Variants in ZDHHC11B observed in about 807,000 individuals in gnomAD.
The protein encoded by ZDHHC11B is probable palmitoyltransferase ZDHHC11B.
ZDHHC11B carries 17 observed loss-of-function variants against 42.3 expected under a neutral mutation model. The ratio of observed to expected loss-of-function variants is 0.40; its 90% CI spans 0.27 to 0.60. The LOEUF is 0.60. Among genes scored for constraint, ZDHHC11B ranks in the 20% least tolerant of loss-of-function variants. The pLI is 0.41. For missense variants in ZDHHC11B, 262 were observed against 463.2 expected, an observed-to-expected ratio of 0.57 and a Z score of 3.99; for synonymous variants, 123 against 193.5, an observed-to-expected ratio of 0.64 and a Z score of 3.02.
intron 4 of ZDHHC11B, among the ~76,000 whole-genome samples, chr5:765,940 TGAGAAA>T (rs1735262608): frequency 6.6e-6 from 1 of 151,958 alleles, no homozygotes; most frequent in Non-Finnish European, 1.5e-5. Flanking sequence ...AAGGCTCTAG[TGAGAAA>T]TAACACATCC....
chr5:741,041 G>A (rs1345354191), intron 10 of ZDHHC11B, among the ~76,000 whole-genome samples: 3 of 116,352 alleles, frequency 2.6e-5, no homozygotes, highest in African/African-American at 5.6e-5. Context: ...GAAAATGCGC[G>A]TGCCCTTTGA....
At chr5:783,776 G>GCCCCCAAATACCCATCAAAACAGCAGC (rs1737040340) in intron 1 of ZDHHC11B, among the ~76,000 whole-genome samples, 1 of 80,690 alleles carries the variant, frequency 1.2e-5, no homozygotes, top group Non-Finnish European at 2.4e-5. Context: ...CAAAACAGCA[G>GCCCCCAAATACCCATCAAAACAGCAGC]CCCCCAAACC....
intron 12 of ZDHHC11B, among the ~76,000 whole-genome samples, chr5:723,260 A>G (rs1742324178): frequency 6.9e-6 from 1 of 145,184 alleles, no homozygotes; most frequent in Non-Finnish European, 1.5e-5. Flanking sequence ...GATCCAAAAC[A>G]AGGGGAAAGA....
At chr5:730,805 T>C (rs1171409639) in intron 11 of ZDHHC11B, among the ~76,000 whole-genome samples, 1 of 151,700 alleles carries the variant, frequency 6.6e-6, no homozygotes, top group Admixed American at 6.6e-5. Flanking sequence ...GTGACTGGTG[T>C]CCTTTTATGA....
chr5:760,253 C>A (rs969818349), intron 4 of ZDHHC11B, among the ~76,000 whole-genome samples: 3 of 151,834 alleles, frequency 2.0e-5, no homozygotes, highest in African/African-American at 7.3e-5. Context: ...ACCCGCAGCA[C>A]CCGTGGATGT....
chr5:771,439 G>T (rs1326133302), intron 1 of ZDHHC11B, among the ~76,000 whole-genome samples: 4 of 151,432 alleles, frequency 2.6e-5, no homozygotes, highest in Admixed American at 6.6e-5. Flanking sequence ...GGTGGGGGCT[G>T]GGCCGCATGG....
intron 6 of ZDHHC11B, among the ~76,000 whole-genome samples, chr5:752,857 C>T (rs1209836885): frequency 1.7e-5 from 2 of 119,132 alleles, no homozygotes; most frequent in Non-Finnish European, 3.8e-5. Context: ...AAAGACCCCT[C>T]ATCCTCATCC....
chr5:757,133 T>G (rs1733970281), intron 4 of ZDHHC11B, among the ~76,000 whole-genome samples: 1 of 151,812 alleles, frequency 6.6e-6, no homozygotes, highest in South Asian at 2.1e-4. Flanking sequence ...ATAGAAGGGG[T>G]GGAGTGCGGG....
At chr5:747,912 G>A (rs952433297) in intron 8 of ZDHHC11B, 12 of 282,064 alleles carry the variant, frequency 4.3e-5, no homozygotes, top group African/African-American at 6.3e-5. Context: ...ATGACTGACC[G>A]CCTACCGCTG....
chr5:744,681 C>G (rs1377889743), intron 9 of ZDHHC11B, among the ~76,000 whole-genome samples: 1 of 148,258 alleles, frequency 6.7e-6, no homozygotes, highest in Non-Finnish European at 1.5e-5. Context: ...TTGAGACCAG[C>G]CTGGCATGTC....
At chr5:746,420 G>A (rs763219874) in intron 8 of ZDHHC11B, among the ~76,000 whole-genome samples, 4 of 138,418 alleles carry the variant, frequency 2.9e-5, no homozygotes, top group African/African-American at 9.9e-5. Context: ...TCTGGGTCAC[G>A]GGGGTGGGGA....
chr5:732,721 A>G (rs1743114763), intron 11 of ZDHHC11B: 3 of 422,440 alleles, frequency 7.1e-6, no homozygotes, highest in South Asian at 5.2e-5. Flanking sequence ...GCCCCCTCAC[A>G]AATCCTGCTC....
chr5:761,753 G>A (rs1015950581), intron 4 of ZDHHC11B, among the ~76,000 whole-genome samples: 2 of 151,990 alleles, frequency 1.3e-5, no homozygotes, highest in South Asian at 2.1e-4. Context: ...AAGGCCTCTT[G>A]GGAAGTGAGC....
chr5:743,890 C>T (rs6555452), intron 9 of ZDHHC11B, among the ~76,000 whole-genome samples: 2 of 148,908 alleles, frequency 1.3e-5, no homozygotes, highest in Non-Finnish European at 3.0e-5. Flanking sequence ...AATGTGACTG[C>T]AATGTCAGAA....
rs1385438303 is a variant in ZDHHC11B, at chr5:739,213, A to G, written c.935+2381T>C. Among the ~76,000 whole-genome samples, 3 of 150,822 alleles carry G rather than the reference A, an allele frequency of 2.0e-5. 1 individual carries two copies. The highest frequency in any genetic ancestry group is 7.4e-5 in the African/African-American group (3 of 40,644). On this transcript the variant is annotated intron_variant, in intron 10 of 13. Coordinates refer to ENST00000508859, the MANE Select transcript of ZDHHC11B (RefSeq NM_001351303.2). ...CAAGAGTTCAAGACCAGCCTGGCCA[A>G]CATGGTGAAACTTGTCTCTGCTAAC... is the stretch of plus-strand genomic sequence containing the variant.
Position 748,692 on chromosome 5 carries a change from C to G in ZDHHC11B, c.629-133G>C, listed in dbSNP as rs1200360025. 34 of 1,069,974 alleles carry G rather than the reference C, an allele frequency of 3.2e-5. 12 individuals carry two copies. In the East Asian group the frequency reaches 1.2e-3, roughly 39 times the overall value. 66.3% of individuals were successfully genotyped at this position (1,069,974 alleles called of 1,614,324 possible). A position where few individuals can be genotyped will look rare whatever the true frequency, so the allele number is the denominator to read the frequency against. On this transcript the variant is annotated intron_variant, in intron 7 of 13. Coordinates refer to ENST00000508859, the MANE Select transcript of ZDHHC11B (RefSeq NM_001351303.2). ...CCAGCACGAGGGATGCCTCCCTGCC[C>G]TGGTGGACACCTTCCTTACCTGAGT...
intron 12 of ZDHHC11B, among the ~76,000 whole-genome samples, chr5:719,385 AT>A (rs1742014824): frequency 6.6e-6 from 1 of 151,726 alleles, no homozygotes; most frequent in African/African-American, 2.4e-5. Flanking sequence ...GCTGTCTTAA[AT>A]ATGCTCAGTA....
chr5:766,309 C>CG (rs1561188174), intron 4 of ZDHHC11B, among the ~76,000 whole-genome samples: 1 of 151,640 alleles, frequency 6.6e-6, no homozygotes, highest in Admixed American at 6.6e-5. Flanking sequence ...GGACCCCTGC[C>CG]GCTGGAAGAT....
In ZDHHC11B at chr5:760,518, C is replaced by A. The variant is rs1396763187; in HGVS notation, c.223-4374G>T. 2.0e-5 allele frequency among the ~76,000 whole-genome samples: 3 copies of A among 151,654 alleles called. 1 individual carries two copies. The East Asian group carries it at 5.8e-4, about 29-fold the overall frequency. On this transcript the variant is annotated intron_variant, in intron 4 of 13. Coordinates refer to ENST00000508859, the MANE Select transcript of ZDHHC11B (RefSeq NM_001351303.2). ...GACCCCGGGCCCCAGAACTGTGAGA[C>A]CAGATATGTCTGCTGTTGCAGGCAC... is the stretch of plus-strand genomic sequence containing the variant.
Sources: allele counts gnomAD v4.1 joint callset (sites outside exome capture counted in the v4.1 genomes callset), GRCh38; gene constraint gnomAD v4.1.1; transcripts MANE v1.5; gene names NCBI Gene and HGNC (gene_info 2026-07-23, HGNC 2026-07-21).